The following PAPOLA variants were observed in gnomAD, a reference collection of about 807,000 sequenced individuals.
PAPOLA encodes the protein poly(A) polymerase alpha.
Under a neutral mutation model 100.6 loss-of-function variants are expected in PAPOLA, and 15 were observed. That is an observed-to-expected ratio of 0.15 (90% CI 0.10 to 0.23). PAPOLA has a LOEUF of 0.23. Among genes scored for constraint, PAPOLA ranks in the 10% least tolerant of loss-of-function variants. The pLI, the probability that PAPOLA is intolerant of heterozygous loss-of-function variation, is 1.00. For synonymous variants in PAPOLA, 293 were observed against 300.0 expected (o/e 0.98, Z 0.24); for missense variants, 533 against 884.2 (o/e 0.60, Z 5.04).
intron 1 of PAPOLA, among the ~76,000 whole-genome samples, chr14:96,516,275 A>G (rs1457370307): frequency 2.6e-5 from 4 of 151,952 alleles, no homozygotes; most frequent in Non-Finnish European, 5.9e-5. Context: ...CAGAGTATGC[A>G]TTTGTTTCTT....
At chr14:96,522,115 TC>T (rs1373793177) in intron 3 of PAPOLA, among the ~76,000 whole-genome samples, 2,534 of 89,682 alleles carry the variant, frequency 0.028, 76 homozygotes, top group Non-Finnish European at 0.038. Flanking sequence ...TTTCTTTCTT[TC>T]TTTTTTTTTT....
chr14:96,556,932 A>G (rs1361753169), intron 19 of PAPOLA, among the ~76,000 whole-genome samples: 1 of 152,238 alleles, frequency 6.6e-6, no homozygotes, highest in Non-Finnish European at 1.5e-5. Context: ...TCTAACCCTT[A>G]AAGAAACTTT....
At chr14:96,507,669 T>C (rs1896826285) in intron 1 of PAPOLA, among the ~76,000 whole-genome samples, 6 of 152,182 alleles carry the variant, frequency 3.9e-5, no homozygotes, top group Admixed American at 3.9e-4. Flanking sequence ...TAATTTCCAA[T>C]GTAGTGGATA....
chr14:96,543,045 C>G, intron 14 of PAPOLA, 152 bp downstream of exon 14: 1 of 783,736 alleles, frequency 1.3e-6, no homozygotes, highest in South Asian at 1.8e-5. Flanking sequence ...TTTTCCTGAT[C>G]AGAAACATTG....
intron 15 of PAPOLA, among the ~76,000 whole-genome samples, chr14:96,544,508 C>T (rs1306511876): frequency 6.6e-6 from 1 of 151,932 alleles, no homozygotes; most frequent in Non-Finnish European, 1.5e-5. Context: ...TTGAGCATCC[C>T]TAGTCTGAAA....
chr14:96,553,688 T>C (rs1354183369), intron 17 of PAPOLA, among the ~76,000 whole-genome samples: 1 of 152,080 alleles, frequency 6.6e-6, no homozygotes, highest in Non-Finnish European at 1.5e-5. Context: ...GATTACTGTA[T>C]TTTTGTGGAG....
At chr14:96,516,694 A>G (rs1395944203) in intron 1 of PAPOLA, among the ~76,000 whole-genome samples, 1 of 152,244 alleles carries the variant, frequency 6.6e-6, no homozygotes. Context: ...CTTGACAGAA[A>G]GTAATACTGA....
intron 20 of PAPOLA, 55 bp downstream of exon 20, chr14:96,560,766 A>G: frequency 9.3e-7 from 1 of 1,076,944 alleles, no homozygotes; most frequent in Non-Finnish European, 1.4e-6. Flanking sequence ...AGAAGATGTA[A>G]TAGAAATGTC....
chr14:96,505,005 C>T (rs1896612950), intron 1 of PAPOLA, among the ~76,000 whole-genome samples: 1 of 152,138 alleles, frequency 6.6e-6, no homozygotes, highest in Non-Finnish European at 1.5e-5. Flanking sequence ...TATTACAGAA[C>T]ATTTTGATCA....
intron 12 of PAPOLA, among the ~76,000 whole-genome samples, chr14:96,541,722 A>G (rs1205137763): frequency 4.6e-5 from 7 of 151,902 alleles, no homozygotes; most frequent in Admixed American, 1.3e-4. Context: ...TAAAATTGGG[A>G]AAAAAATCAC....
At chr14:96,509,123 C>T (rs1313957754) in intron 1 of PAPOLA, among the ~76,000 whole-genome samples, 1 of 152,098 alleles carries the variant, frequency 6.6e-6, no homozygotes, top group Non-Finnish European at 1.5e-5. Flanking sequence ...GCTTGACCTC[C>T]CAGGCTCAAG....
chr14:96,517,698 C>CTTT (rs774296764), intron 1 of PAPOLA, among the ~76,000 whole-genome samples: 1,751 of 121,802 alleles, frequency 0.014, 22 homozygotes, highest in Non-Finnish European at 0.023. Context: ...TCAGCAAATG[C>CTTT]TTTTTTTTTT....
At chr14:96,530,913 C>T (rs969393885) in intron 6 of PAPOLA, among the ~76,000 whole-genome samples, 5 of 151,850 alleles carry the variant, frequency 3.3e-5, no homozygotes, top group Admixed American at 6.6e-5. Flanking sequence ...CTTCCAGGCT[C>T]AAATGATTTT....
In PAPOLA at chr14:96,554,622, C is replaced by G. The variant is rs1257175352; in HGVS notation, c.1665-1225C>G. Among the ~76,000 whole-genome samples, 3 of 151,718 alleles carry G rather than the reference C, an allele frequency of 2.0e-5. No individual in the cohort carries two copies. In the South Asian group the frequency reaches 6.2e-4, roughly 31 times the overall value. On this transcript the variant is annotated intron_variant, in intron 17 of 21. Transcript: ENST00000216277. Reference sequence around the variant, plus strand: ...AGAGAGAGAGAGAAAGAGAGACAGACACACACACACACAGACACAGATAGA... The same window carrying G: ...AGAGAGAGAGAGAAAGAGAGACAGAGACACACACACACAGACACAGATAGA...
chr14:96,524,905 ATCTTTT>A (rs1898336665), intron 3 of PAPOLA, among the ~76,000 whole-genome samples: 2 of 152,214 alleles, frequency 1.3e-5, no homozygotes, highest in Non-Finnish European at 2.9e-5. Flanking sequence ...GTTGAATATA[ATCTTTT>A]TCTTTAAAGC....
chr14:96,565,602 C>G lies in PAPOLA; in HGVS notation c.*552C>G, dbSNP rs1902210609. The G allele has an allele frequency of 7.6e-6, 3 of 395,324 alleles. No homozygotes were observed. The highest frequency in any genetic ancestry group is 4.5e-6 in the Non-Finnish European group (1 of 224,086). The allele number at this position is 395,324 out of a possible 1,614,324, so 24.5% of individuals were successfully genotyped here. The stretch of plus-strand genomic sequence containing the variant: ...ATCTAGTTCAGTTCCTATGAGGTAG[C>G]TGTAACCCTTAAAAATGAAACGTCA... On this transcript the variant is annotated 3_prime_UTR_variant, in exon 22 of 22. Transcript: ENST00000216277.
intron 6 of PAPOLA, among the ~76,000 whole-genome samples, chr14:96,528,669 C>G (rs1898716682): frequency 6.6e-6 from 1 of 152,180 alleles, no homozygotes; most frequent in Non-Finnish European, 1.5e-5. Context: ...AGGAGGATCT[C>G]TTGAGCCCAG....
chr14:96,519,312 T>C (rs1272349043), intron 1 of PAPOLA, among the ~76,000 whole-genome samples: 2 of 152,214 alleles, frequency 1.3e-5, no homozygotes, highest in African/African-American at 2.4e-5. Context: ...TACTTGGTTT[T>C]GTATGTTATT....
chr14:96,532,256 A>C lies in PAPOLA; in HGVS notation c.608-75A>C, dbSNP rs190576244. On this transcript the variant is annotated intron_variant, in intron 7 of 21. Transcript: ENST00000216277. ...TTACCATTAAACTTTTGATGATTTAATGTTGTTTTTTTTTGTTTTGTTTTG... is the reference window on the plus strand; with the variant it reads ...TTACCATTAAACTTTTGATGATTTACTGTTGTTTTTTTTTGTTTTGTTTTG... 3 of 1,479,776 alleles carry C rather than the reference A, an allele frequency of 2.0e-6. No homozygotes were observed. The African/African-American group carries it at 4.3e-5, about 21-fold the overall frequency. 91.7% of individuals were successfully genotyped at this position (1,479,776 alleles called of 1,614,324 possible). A position where few individuals can be genotyped will look rare whatever the true frequency, so the allele number is the denominator to read the frequency against.
Sources: gnomAD v4.1 joint callset for allele counts (sites outside exome capture counted in the v4.1 genomes callset) on GRCh38, gnomAD v4.1.1 for gene constraint, MANE v1.5 for transcripts, NCBI Gene and HGNC (gene_info 2026-07-23, HGNC 2026-07-21) for gene names.